Variants in NTRK3 observed in about 807,000 individuals in gnomAD.
NTRK3 encodes NT-3 growth factor receptor.
NTRK3 carries 24 observed loss-of-function variants against 91.7 expected under a neutral mutation model. The ratio of observed to expected loss-of-function variants is 0.26; its 90% CI spans 0.19 to 0.37. The LOEUF (loss-of-function observed/expected upper bound fraction) is 0.37, where lower values mean the gene tolerates loss of function less well. Among genes scored for constraint, NTRK3 ranks in the 10% least tolerant of loss-of-function variants. The pLI, the probability that NTRK3 is intolerant of heterozygous loss-of-function variation, is 1.00. For missense variants in NTRK3, 880 were observed against 1,068.9 expected (o/e 0.82, Z 2.46); for synonymous variants, 483 against 404.0 (o/e 1.20, Z -2.34).
At chr15:88,025,024 TTGGTACAATCACACGTGTG>T (rs1555469493) in intron 14 of NTRK3, among the ~76,000 whole-genome samples, 3 of 152,096 alleles carry the variant, frequency 2.0e-5, no homozygotes, top group Non-Finnish European at 4.4e-5. Context: ...GAGAGAAAGG[TTGGTACAATCACACGTGTG>T]TGGCCACACA....
At chr15:87,957,575 G>GA (rs1485481303) in intron 14 of NTRK3, among the ~76,000 whole-genome samples, 5 of 152,022 alleles carry the variant, frequency 3.3e-5, no homozygotes, top group South Asian at 2.1e-4. Context: ...AGTGCATAGG[G>GA]AAAAAAAGGA....
At chr15:88,134,231 T>A (rs1210510360) in intron 10 of NTRK3, among the ~76,000 whole-genome samples, 8 of 152,218 alleles carry the variant, frequency 5.3e-5, no homozygotes, top group African/African-American at 1.9e-4. Flanking sequence ...CATGGCTTTA[T>A]GGGCAAAACT....
At chr15:88,210,407 G>C (rs1294490604) in intron 3 of NTRK3, among the ~76,000 whole-genome samples, 1 of 152,164 alleles carries the variant, frequency 6.6e-6, no homozygotes, top group Non-Finnish European at 1.5e-5. Context: ...AAAAGCCCTA[G>C]CCTCAGGTTT....
chr15:88,131,724 C>T (rs1032055049), intron 10 of NTRK3, among the ~76,000 whole-genome samples: 1 of 152,250 alleles, frequency 6.6e-6, no homozygotes, highest in African/African-American at 2.4e-5. Context: ...CTGTTATCTC[C>T]AAATCAGCCT....
At chr15:88,187,021 A>C (rs2046999192) in intron 3 of NTRK3, among the ~76,000 whole-genome samples, 1 of 152,234 alleles carries the variant, frequency 6.6e-6, no homozygotes, top group Non-Finnish European at 1.5e-5. Context: ...ATGATAAAAA[A>C]GAAAACCCCT....
intron 13 of NTRK3, among the ~76,000 whole-genome samples, chr15:88,068,743 G>C (rs373402662): frequency 2.7e-4 from 41 of 152,132 alleles, no homozygotes; most frequent in Non-Finnish European, 4.6e-4. Flanking sequence ...CAGGACAGTA[G>C]GGTAGGGGTC....
intron 14 of NTRK3, among the ~76,000 whole-genome samples, chr15:87,992,556 T>C (rs1350850792): frequency 6.6e-6 from 1 of 152,204 alleles, no homozygotes; most frequent in Non-Finnish European, 1.5e-5. Flanking sequence ...TTAATAAGAC[T>C]ATTTGGAAAA....
intron 13 of NTRK3, among the ~76,000 whole-genome samples, chr15:88,108,681 A>G (rs1370241322): frequency 6.6e-6 from 1 of 152,268 alleles, no homozygotes; most frequent in Non-Finnish European, 1.5e-5. Context: ...ATAACATTCC[A>G]TGACACTTTC....
At chr15:88,159,810 G>C (rs1421509512) in intron 5 of NTRK3, among the ~76,000 whole-genome samples, 1 of 152,030 alleles carries the variant, frequency 6.6e-6, no homozygotes, top group Non-Finnish European at 1.5e-5. Flanking sequence ...GCCCCTGGCT[G>C]GTCCAGGGCA....
At chr15:88,003,635 T>C (rs916743864) in intron 14 of NTRK3, among the ~76,000 whole-genome samples, 3 of 152,126 alleles carry the variant, frequency 2.0e-5, no homozygotes, top group Non-Finnish European at 4.4e-5. Context: ...ACTACTACAA[T>C]GCACTGCTCC....
At chr15:87,892,679 A>G (rs1216196538) in intron 17 of NTRK3, among the ~76,000 whole-genome samples, 3 of 152,186 alleles carry the variant, frequency 2.0e-5, no homozygotes, top group African/African-American at 7.2e-5. Flanking sequence ...TCAAACCAAA[A>G]ACACTTAACA....
intron 5 of NTRK3, among the ~76,000 whole-genome samples, chr15:88,179,636 C>T (rs1376372107): frequency 6.6e-6 from 1 of 152,138 alleles, no homozygotes; most frequent in Non-Finnish European, 1.5e-5. Flanking sequence ...AGAAAACACA[C>T]CCCATAAAGG....
At chr15:88,001,232 G>A (rs780208151) in intron 14 of NTRK3, among the ~76,000 whole-genome samples, 5 of 151,960 alleles carry the variant, frequency 3.3e-5, no homozygotes, top group Admixed American at 1.3e-4. Flanking sequence ...ATATATTCTG[G>A]ATACTACTCC....
chr15:88,219,717 A>G (rs1019850782), intron 3 of NTRK3, among the ~76,000 whole-genome samples: 2 of 152,256 alleles, frequency 1.3e-5, no homozygotes, highest in African/African-American at 4.8e-5. Context: ...GGTGGAGGTC[A>G]AAATCAAGAC....
At chr15:87,961,721 G>A (rs2072314051) in intron 14 of NTRK3, among the ~76,000 whole-genome samples, 1 of 152,250 alleles carries the variant, frequency 6.6e-6, no homozygotes, top group African/African-American at 2.4e-5. Context: ...ATGCCCAGAT[G>A]GGCTAAGCAA....
chr15:88,062,739 C>T (rs898899724), intron 13 of NTRK3, among the ~76,000 whole-genome samples: 1 of 152,262 alleles, frequency 6.6e-6, no homozygotes, highest in African/African-American at 2.4e-5. Flanking sequence ...TACTCACAGC[C>T]AAATGAATTC....
chr15:87,905,178 C>A (rs576040683), intron 17 of NTRK3, among the ~76,000 whole-genome samples: 13 of 152,144 alleles, frequency 8.5e-5, no homozygotes, highest in African/African-American at 1.2e-4. Context: ...TTCTCTCTAC[C>A]CCTATGACAC....
chr15:88,136,104 T>A, intron 8 of NTRK3, 64 bp from the exon 9 acceptor site: 2 of 1,583,034 alleles, frequency 1.3e-6, no homozygotes, highest in Non-Finnish European at 1.7e-6. Flanking sequence ...TGCTACCTAA[T>A]CCCCAAATAC....
intron 5 of NTRK3, among the ~76,000 whole-genome samples, chr15:88,176,838 T>C (rs76184038): frequency 0.061 from 9,249 of 152,272 alleles, 306 homozygotes; most frequent in Middle Eastern, 0.1. Flanking sequence ...AATGAGATAC[T>C]TGCAGATGAT....
Sources: gnomAD v4.1 joint callset for allele counts (sites outside exome capture counted in the v4.1 genomes callset) on GRCh38, gnomAD v4.1.1 for gene constraint, MANE v1.5 for transcripts, NCBI Gene and HGNC (gene_info 2026-07-23, HGNC 2026-07-21) for gene names.